The following EPHB1 variants were observed in gnomAD, a reference collection of about 807,000 sequenced individuals.
EPHB1 encodes the protein EPH receptor B1.
EPHB1 carries 30 observed loss-of-function variants against 94.4 expected under a neutral mutation model. The ratio of observed to expected loss-of-function variants is 0.32; its 90% CI spans 0.24 to 0.43. EPHB1 has a LOEUF of 0.43. EPHB1 is among the 20% of genes least tolerant of loss of function. The pLI is 1.00. For synonymous variants in EPHB1, 522 were observed against 489.1 expected, an observed-to-expected ratio of 1.07 and a Z score of -0.89; for missense variants, 1,055 against 1,308.3, an observed-to-expected ratio of 0.81 and a Z score of 2.99.
intron 1 of EPHB1, among the ~76,000 whole-genome samples, chr3:134,842,406 T>C (rs2036794194): frequency 6.6e-6 from 1 of 152,238 alleles, no homozygotes; most frequent in African/African-American, 2.4e-5. Context: ...TTCACTCTTC[T>C]GTGCTAATGC....
At chr3:134,882,765 C>CCTTTCTTTCTTTCTTTTTTCTTT (rs2037770300) in intron 1 of EPHB1, among the ~76,000 whole-genome samples, 1 of 79,882 alleles carries the variant, frequency 1.3e-5, no homozygotes, top group Non-Finnish European at 2.6e-5. Context: ...TTCCTTCCTT[C>CCTTTCTTTCTTTCTTTTTTCTTT]CTTTCTTTCT....
At chr3:135,014,734 G>T (rs979331855) in intron 3 of EPHB1, among the ~76,000 whole-genome samples, 5 of 152,208 alleles carry the variant, frequency 3.3e-5, no homozygotes, top group Non-Finnish European at 5.9e-5. Context: ...ATGAGAGCAT[G>T]TGTCATTCAT....
intron 3 of EPHB1, among the ~76,000 whole-genome samples, chr3:135,072,237 C>T (rs1220712310): frequency 6.6e-6 from 1 of 152,026 alleles, no homozygotes; most frequent in East Asian, 1.9e-4. Context: ...AAAAAATTAG[C>T]TGAGTGTGGT....
chr3:135,082,722 A>G (rs1938206480), intron 3 of EPHB1, among the ~76,000 whole-genome samples: 1 of 152,218 alleles, frequency 6.6e-6, no homozygotes, highest in East Asian at 1.9e-4. Context: ...AAATATTGGA[A>G]CAGCATAAGT....
intron 1 of EPHB1, among the ~76,000 whole-genome samples, chr3:134,797,939 C>T (rs1006437018): frequency 6.6e-6 from 1 of 152,154 alleles, no homozygotes; most frequent in African/African-American, 2.4e-5. Flanking sequence ...AGAATGAACA[C>T]AGGCAGGCTC....
chr3:135,060,519 T>C (rs559968768), intron 3 of EPHB1, among the ~76,000 whole-genome samples: 3 of 152,246 alleles, frequency 2.0e-5, no homozygotes, highest in Non-Finnish European at 4.4e-5. Context: ...GACATATGTT[T>C]TTAATTTTGT....
rs1258501873 is a variant in EPHB1, at chr3:134,951,476, A to T, written c.229A>T (p.Ile77Phe). ...NQNNWLLTTF[I>F]NRRGAHRIYT... ...GAACAATTGGCTGCTCACCACCTTC[A>T]TCAACCGGCGGGGGGCCCATCGCAT... Residue 77 changes from isoleucine (I) to phenylalanine (F), a missense_variant, in exon 3 of 16, where the codon ATC becomes TTC. Coordinates refer to ENST00000398015, the MANE Select transcript of EPHB1 (RefSeq NM_004441.5). The surrounding 1 kb of genome is among the most constrained non-coding windows in gnomAD (Gnocchi z 4.5). The T allele has an allele frequency of 6.2e-7, 1 of 1,610,516 alleles. No individual in the cohort carries two copies. The highest frequency in any genetic ancestry group is 8.5e-7 in the Non-Finnish European group (1 of 1,178,478).
At chr3:135,173,852 T>C (rs74820706) in intron 9 of EPHB1, among the ~76,000 whole-genome samples, 2,862 of 152,292 alleles carry the variant, frequency 0.019, 96 homozygotes, top group African/African-American at 0.064. Context: ...CCTCTTACAA[T>C]AGGATTTCTT....
intron 10 of EPHB1, among the ~76,000 whole-genome samples, chr3:135,184,377 A>G (rs957187669): frequency 6.6e-6 from 1 of 152,228 alleles, no homozygotes; most frequent in African/African-American, 2.4e-5. Context: ...AAGAAATAAA[A>G]ATATAATAAT....
intron 9 of EPHB1, among the ~76,000 whole-genome samples, chr3:135,178,602 A>C (rs1192222287): frequency 1.3e-5 from 2 of 152,128 alleles, no homozygotes; most frequent in African/African-American, 4.8e-5. Flanking sequence ...GAGCCATCAG[A>C]AGTTTTTTGG....
intron 3 of EPHB1, among the ~76,000 whole-genome samples, chr3:135,031,525 G>T (rs1018238918): frequency 6.6e-6 from 1 of 152,128 alleles, no homozygotes; most frequent in Non-Finnish European, 1.5e-5. Context: ...GTCCATGCTG[G>T]TCTTGAACTC....
chr3:135,255,479 G>T (rs1275532321), intron 15 of EPHB1, among the ~76,000 whole-genome samples: 1 of 144,982 alleles, frequency 6.9e-6, no homozygotes, highest in Non-Finnish European at 1.5e-5. Context: ...TATGTACCCA[G>T]TAGTCATTCA....
intron 2 of EPHB1, among the ~76,000 whole-genome samples, chr3:134,931,807 A>G (rs1168349278): frequency 1.3e-5 from 2 of 152,146 alleles, no homozygotes; most frequent in Non-Finnish European, 2.9e-5. Context: ...ACATGTGTAT[A>G]TATGTCTGTA....
intron 1 of EPHB1, among the ~76,000 whole-genome samples, chr3:134,803,730 A>G (rs975338205): frequency 1.3e-5 from 2 of 152,216 alleles, no homozygotes; most frequent in African/African-American, 4.8e-5. Context: ...TCAAGAGCGA[A>G]GTTTCAAACC....
At chr3:135,121,687 C>A (rs1220511854) in intron 4 of EPHB1, among the ~76,000 whole-genome samples, 2 of 152,052 alleles carry the variant, frequency 1.3e-5, no homozygotes, top group Non-Finnish European at 2.9e-5. Context: ...CACAAGGACC[C>A]TACCTAAAGG....
intron 3 of EPHB1, among the ~76,000 whole-genome samples, chr3:135,010,519 T>C (rs1167596071): frequency 3.3e-5 from 5 of 151,656 alleles, no homozygotes; most frequent in Non-Finnish European, 5.9e-5. Context: ...TCTGGTGCAG[T>C]GAGTCTGAGG....
intron 3 of EPHB1, among the ~76,000 whole-genome samples, chr3:135,011,645 A>G (rs1935623711): frequency 6.6e-6 from 1 of 152,120 alleles, no homozygotes; most frequent in Non-Finnish European, 1.5e-5. Context: ...GGAAACAGAG[A>G]CAGAAAGAAC....
chr3:135,163,337 T>A (rs1941563601), intron 7 of EPHB1, among the ~76,000 whole-genome samples: 1 of 152,206 alleles, frequency 6.6e-6, no homozygotes, highest in African/African-American at 2.4e-5. Context: ...GGCAGCTGTC[T>A]GCATATGGTA....
chr3:135,258,901 G>C (rs138139300), intron 15 of EPHB1, 111 bp from the exon 16 acceptor site: 1 of 970,844 alleles, frequency 1.0e-6, no homozygotes, highest in East Asian at 2.7e-5. Context: ...AAGCTAGTTG[G>C]ATTTTTGTAG....
Sources: gnomAD v4.1 joint callset for allele counts (sites outside exome capture counted in the v4.1 genomes callset) on GRCh38, gnomAD v4.1.1 for gene constraint, Gnocchi (gnomAD v3.1) non-coding constraint, MANE v1.5 for transcripts, NCBI Gene and HGNC (gene_info 2026-07-23, HGNC 2026-07-21) for gene names.